DAB1: variants seen among roughly 807,000 people sequenced by gnomAD.
DAB1 encodes the protein DAB adaptor protein 1.
DAB1 carries 15 observed loss-of-function variants against 64.6 expected under a neutral mutation model. The observed-to-expected ratio is 0.23, with a 90% confidence interval of 0.16 to 0.36. The LOEUF (loss-of-function observed/expected upper bound fraction) is 0.36, where lower values mean the gene tolerates loss of function less well. Among genes scored for constraint, DAB1 ranks in the 10% least tolerant of loss-of-function variants. The pLI is 1.00. For synonymous variants in DAB1, 235 were observed against 251.9 expected (o/e 0.93, Z 0.64); for missense variants, 596 against 706.7 (o/e 0.84, Z 1.78).
intron 4 of DAB1, among the ~76,000 whole-genome samples, chr1:57,113,157 C>T (rs1655816043): frequency 6.6e-6 from 1 of 152,144 alleles, no homozygotes; most frequent in Non-Finnish European, 1.5e-5. Context: ...TCACTTACCA[C>T]CTGAGTGGGT....
intron 1 of DAB1, among the ~76,000 whole-genome samples, chr1:57,342,635 C>T (rs1029712885): frequency 3.3e-5 from 5 of 152,138 alleles, no homozygotes; most frequent in Non-Finnish European, 5.9e-5. Context: ...AGAATGAAGA[C>T]GCGGACCCTG....
chr1:57,078,618 T>A (rs1031141057), intron 4 of DAB1, among the ~76,000 whole-genome samples: 12 of 152,188 alleles, frequency 7.9e-5, no homozygotes, highest in Non-Finnish European at 1.2e-4. Flanking sequence ...ATAGTATCTC[T>A]CTCATGGTGT....
intron 5 of DAB1, among the ~76,000 whole-genome samples, chr1:58,003,253 G>C (rs1646533231): frequency 6.6e-6 from 1 of 152,116 alleles, no homozygotes. Flanking sequence ...TCAGGCTATT[G>C]AGTGTATTGT....
intron 7 of DAB1, among the ~76,000 whole-genome samples, chr1:57,430,899 G>A (rs1685479833): frequency 1.6e-5 from 1 of 62,408 alleles, no homozygotes; most frequent in Admixed American, 2.2e-4. Context: ...TTAGGCATTG[G>A]CAGAGAAAGA....
intron 1 of DAB1, among the ~76,000 whole-genome samples, chr1:57,827,151 T>A (rs1276880363): frequency 6.6e-6 from 1 of 152,210 alleles, no homozygotes; most frequent in Non-Finnish European, 1.5e-5. Flanking sequence ...AAAGGCCAGA[T>A]CCAGTTTTTG....
intron 1 of DAB1, among the ~76,000 whole-genome samples, chr1:57,353,703 G>C (rs992548902): frequency 1.3e-5 from 2 of 152,116 alleles, no homozygotes; most frequent in African/African-American, 4.8e-5. Context: ...GTCTGCCTGA[G>C]TCTAAAGCTG....
rs190694166 is a variant in DAB1 at position 57,754,462 on chromosome 1, G to A, written n.552-104797C>T. Among the ~76,000 whole-genome samples, 25 of 152,134 alleles carry A rather than the reference G, an allele frequency of 1.6e-4. No individual in the cohort carries two copies. In the East Asian group the frequency reaches 3.7e-3, roughly 22 times the overall value. ...GCACTTTGGGAGGCCGAGGTGGGTG[G>A]ATCACCTGAGGTCAGGAGATTGAGA... On this transcript the variant is annotated intron_variant and non_coding_transcript_variant, in intron 6 of 20. Coordinates refer to the DAB1 transcript ENST00000485760.
At chr1:58,077,708 C>T (rs1306289670) in intron 5 of DAB1, among the ~76,000 whole-genome samples, 4 of 152,216 alleles carry the variant, frequency 2.6e-5, no homozygotes, top group Non-Finnish European at 2.9e-5. Flanking sequence ...AACCCAACTA[C>T]TTTTCCAGGA....
At chr1:57,172,555 C>T (rs1661884116) in intron 2 of DAB1, among the ~76,000 whole-genome samples, 1 of 152,138 alleles carries the variant, frequency 6.6e-6, no homozygotes. Context: ...TGTAGATAGA[C>T]TGAAGCATAG....
intron 6 of DAB1, among the ~76,000 whole-genome samples, chr1:57,736,141 C>A (rs3118034): frequency 0.078 from 11,939 of 152,232 alleles, 1,341 homozygotes; most frequent in African/African-American, 0.25. Flanking sequence ...AAAAATGGTT[C>A]TTGGGCTACA....
chr1:58,166,297 C>T lies in DAB1; in HGVS notation n.310-15709G>A, dbSNP rs180958438. Among the ~76,000 whole-genome samples the T allele has an allele frequency of 3.8e-3, 571 of 152,254 alleles. 4 individuals carry two copies. The highest frequency in any genetic ancestry group is 3.1e-3 in the Non-Finnish European group (211 of 68,014). ...CATTATCGCCACCCCAAAAAGATGCCTGTGTCTGTTTGTAGTCAATCCCTG... is the reference window on the plus strand; with the variant it reads ...CATTATCGCCACCCCAAAAAGATGCTTGTGTCTGTTTGTAGTCAATCCCTG... On this transcript the variant is annotated intron_variant and non_coding_transcript_variant, in intron 4 of 20. Transcript: ENST00000485760.
chr1:57,686,095 C>A (rs1442223893), intron 6 of DAB1, among the ~76,000 whole-genome samples: 2 of 151,996 alleles, frequency 1.3e-5, no homozygotes, highest in African/African-American at 4.8e-5. Flanking sequence ...AAAATCCTTA[C>A]AAAGGATCAA....
At chr1:57,069,469 G>A in intron 7 of DAB1, 44 bp from the exon 8 acceptor site, 1 of 1,514,870 alleles carries the variant, frequency 6.6e-7, no homozygotes, top group Non-Finnish European at 9.2e-7. Flanking sequence ...AGGTGAAAAA[G>A]AAGAAAGGTA....
At chr1:57,980,570 C>G (rs982104512) in intron 5 of DAB1, among the ~76,000 whole-genome samples, 2 of 152,148 alleles carry the variant, frequency 1.3e-5, no homozygotes, top group African/African-American at 4.8e-5. Context: ...CTTCTCCACC[C>G]TCTTCACTCC....
At position 58,056,159 on chromosome 1, in the gene DAB1, G is replaced by C. The variant is rs575120456; in HGVS notation, n.387+94352C>G. ...TACATGGGCTTTGGTGGGGGACGTG[G>C]GGCAGCACCCGCAGGTCTAAATCGG... On this transcript the variant is annotated intron_variant and non_coding_transcript_variant, in intron 5 of 20. Coordinates refer to the DAB1 transcript ENST00000485760. The C allele has an allele frequency of 1.7e-4, 256 of 1,481,776 alleles. 1 individual carries two copies. The African/African-American group carries it at 3.1e-3, about 18-fold the overall frequency. 91.8% of individuals were successfully genotyped at this position (1,481,776 alleles called of 1,614,324 possible).
At chr1:57,082,057 C>T (rs1181618003) in intron 4 of DAB1, among the ~76,000 whole-genome samples, 1 of 152,200 alleles carries the variant, frequency 6.6e-6, no homozygotes, top group Admixed American at 6.5e-5. Flanking sequence ...GCTATGAGCA[C>T]ACCTAATATA....
chr1:58,440,501 A>T (rs1480960574), intron 3 of DAB1, among the ~76,000 whole-genome samples: 1 of 152,206 alleles, frequency 6.6e-6, no homozygotes, highest in Non-Finnish European at 1.5e-5. Context: ...TTTGAAAGTG[A>T]ATTTGTGTTT....
chr1:58,048,144 C>T, intron 5 of DAB1: 2 of 1,233,408 alleles, frequency 1.6e-6, no homozygotes, highest in South Asian at 2.4e-5. Flanking sequence ...ACTTCTCTGG[C>T]TCTTCTCTCC....
At chr1:57,638,749 G>A (rs753789904) in intron 7 of DAB1, among the ~76,000 whole-genome samples, 1 of 152,206 alleles carries the variant, frequency 6.6e-6, no homozygotes, top group East Asian at 1.9e-4. Flanking sequence ...GCAGGAAAGG[G>A]CATTCCAGGT....
Sources: allele counts gnomAD v4.1 joint callset (sites outside exome capture counted in the v4.1 genomes callset), GRCh38; gene constraint gnomAD v4.1.1; transcripts MANE v1.5; gene names NCBI Gene and HGNC (gene_info 2026-07-23, HGNC 2026-07-21).